Variants in ADARB2 observed in about 807,000 individuals in gnomAD.
ADARB2 encodes the protein inactive double-stranded RNA-specific editase B2.
A neutral mutation model predicts 62.2 loss-of-function variants in ADARB2; 25 were observed. That is an observed-to-expected ratio of 0.40 (90% CI 0.29 to 0.56). The LOEUF (loss-of-function observed/expected upper bound fraction) is 0.56. Ranked by LOEUF, ADARB2 falls within the 20% of genes least tolerant of loss-of-function variation. ADARB2 has a pLI of 0.43. For synonymous variants in ADARB2, 572 were observed against 500.8 expected (o/e 1.14, Z -1.90); for missense variants, 1,071 against 1,077.4 (o/e 0.99, Z 0.08).
intron 1 of ADARB2, among the ~76,000 whole-genome samples, chr10:1,668,500 TC>T (rs1834340106): frequency 2.0e-5 from 3 of 152,172 alleles, no homozygotes; most frequent in Admixed American, 1.3e-4. Context: ...GTTTTCCAAG[TC>T]CCAGGGCATG....
At chr10:1,561,016 A>G (rs1368870629) in intron 1 of ADARB2, among the ~76,000 whole-genome samples, 1 of 152,232 alleles carries the variant, frequency 6.6e-6, no homozygotes, top group Non-Finnish European at 1.5e-5. Context: ...ACCGTCCAAC[A>G]GAAACGTAAC....
chr10:1,409,478 C>T (rs910318737), intron 1 of ADARB2, among the ~76,000 whole-genome samples: 6 of 150,202 alleles, frequency 4.0e-5, no homozygotes, highest in East Asian at 2.0e-4. Context: ...AAGGCCTGGC[C>T]GTGGTCATGG....
intron 4 of ADARB2, among the ~76,000 whole-genome samples, chr10:1,269,677 A>G (rs1831239875): frequency 6.6e-6 from 1 of 151,888 alleles, no homozygotes; most frequent in Admixed American, 6.5e-5. Flanking sequence ...TGCCAAACTC[A>G]CTGCTCCCTC....
intron 1 of ADARB2, among the ~76,000 whole-genome samples, chr10:1,631,960 A>AC (rs1276281740): frequency 6.6e-6 from 1 of 151,772 alleles, no homozygotes. Context: ...CTTAGAGAGG[A>AC]GCTTGCCATG....
intron 4 of ADARB2, among the ~76,000 whole-genome samples, chr10:1,262,438 A>C (rs959221740): frequency 6.6e-6 from 1 of 152,104 alleles, no homozygotes; most frequent in Non-Finnish European, 1.5e-5. Flanking sequence ...ACAAATTTAC[A>C]AGAAAAATCA....
intron 1 of ADARB2, among the ~76,000 whole-genome samples, chr10:1,524,073 G>GATAGATAT (rs1431759671): frequency 1.3e-5 from 2 of 151,914 alleles, no homozygotes; most frequent in African/African-American, 2.4e-5. Flanking sequence ...TAGATAGATA[G>GATAGATAT]ATAGATAGAT....
chr10:1,203,285 A>G (rs945576905), intron 7 of ADARB2, among the ~76,000 whole-genome samples: 24 of 152,148 alleles, frequency 1.6e-4, no homozygotes, highest in African/African-American at 5.8e-4. Flanking sequence ...AGGAGATGCA[A>G]CCTGCTCACT....
At chr10:1,463,086 A>G (rs1831199991) in intron 1 of ADARB2, among the ~76,000 whole-genome samples, 2 of 152,162 alleles carry the variant, frequency 1.3e-5, no homozygotes, top group African/African-American at 4.8e-5. Context: ...TGAGCGGAGC[A>G]TAGTAACCAG....
chr10:1,457,205 C>T (rs1435057239), intron 1 of ADARB2, among the ~76,000 whole-genome samples: 1 of 152,218 alleles, frequency 6.6e-6, no homozygotes, highest in African/African-American at 2.4e-5. Flanking sequence ...TTCTGGACAA[C>T]TGGAATAAGA....
chr10:1,469,763 A>G (rs1324764604), intron 1 of ADARB2, among the ~76,000 whole-genome samples: 10 of 152,250 alleles, frequency 6.6e-5, no homozygotes, highest in Non-Finnish European at 1.3e-4. Flanking sequence ...GAATCTGTAA[A>G]GTGCTATGAA....
chr10:1,510,040 TTC>T (rs747266651), intron 1 of ADARB2, among the ~76,000 whole-genome samples: 90 of 150,842 alleles, frequency 6.0e-4, no homozygotes, highest in Non-Finnish European at 1.1e-3. Context: ...TTTCTTTCTT[TTC>T]TCTCTCTTCT....
intron 1 of ADARB2, among the ~76,000 whole-genome samples, chr10:1,424,370 C>T (rs1018404159): frequency 6.6e-6 from 1 of 152,178 alleles, no homozygotes; most frequent in African/African-American, 2.4e-5. Flanking sequence ...AGGCTGAACA[C>T]CCCTGTGAGA....
intron 3 of ADARB2, among the ~76,000 whole-genome samples, chr10:1,321,492 C>T (rs111846544): frequency 5.3e-5 from 8 of 152,106 alleles, no homozygotes; most frequent in South Asian, 2.1e-4. Context: ...GTGATCCTCC[C>T]GCCTCAGCCT....
chr10:1,269,633 G>A (rs1335212284), intron 4 of ADARB2, among the ~76,000 whole-genome samples: 1 of 152,218 alleles, frequency 6.6e-6, no homozygotes, highest in African/African-American at 2.4e-5. Flanking sequence ...GTGCAGGTGG[G>A]GCTGGATTCT....
intron 3 of ADARB2, among the ~76,000 whole-genome samples, chr10:1,309,702 T>G (rs907500153): frequency 1.3e-5 from 2 of 152,224 alleles, no homozygotes; most frequent in Non-Finnish European, 2.9e-5. Context: ...GGTCTTCAGA[T>G]CCTAGAATCC....
At chr10:1,588,381 T>C (rs541367014) in intron 1 of ADARB2, among the ~76,000 whole-genome samples, 1 of 152,298 alleles carries the variant, frequency 6.6e-6, no homozygotes, top group East Asian at 1.9e-4. Flanking sequence ...AGCCCTTCCT[T>C]GGGTTTTTGG....
chr10:1,666,834 A>G (rs1355716967), intron 1 of ADARB2, among the ~76,000 whole-genome samples: 1 of 152,212 alleles, frequency 6.6e-6, no homozygotes, highest in Non-Finnish European at 1.5e-5. Context: ...TGACCAGCAC[A>G]GTTGCAATTA....
intron 1 of ADARB2, among the ~76,000 whole-genome samples, chr10:1,452,009 C>T (rs892264982): frequency 1.3e-5 from 2 of 152,114 alleles, no homozygotes; most frequent in Non-Finnish European, 2.9e-5. Context: ...ATGAACGGTA[C>T]CTAGGAATCA....
chr10:1,199,064 G>A (rs544548652), intron 8 of ADARB2, among the ~76,000 whole-genome samples: 1 of 152,340 alleles, frequency 6.6e-6, no homozygotes, highest in East Asian at 1.9e-4. Context: ...CCTTTCTGGG[G>A]CAGAGGTTTT....
Sources: allele counts gnomAD v4.1 joint callset (sites outside exome capture counted in the v4.1 genomes callset), GRCh38; gene constraint gnomAD v4.1.1; transcripts MANE v1.5; gene names NCBI Gene and HGNC (gene_info 2026-07-23, HGNC 2026-07-21).